The following ABAT variants were observed in gnomAD, a reference collection of about 807,000 sequenced individuals.
ABAT encodes the protein 4-aminobutyrate aminotransferase.
In ABAT, 45 loss-of-function variants were observed where a neutral mutation model predicts 64.6. That is an observed-to-expected ratio of 0.70 (90% CI 0.55 to 0.89). The LOEUF is 0.89. ABAT is among the 40% of genes least tolerant of loss of function. The pLI is 0.00. For synonymous variants in ABAT, 297 were observed against 250.5 expected (o/e 1.19, Z -1.75); for missense variants, 633 against 658.4 (o/e 0.96, Z 0.42).
At chr16:8,751,055 T>C (rs1242171999) in intron 5 of ABAT, among the ~76,000 whole-genome samples, 1 of 151,648 alleles carries the variant, frequency 6.6e-6, no homozygotes, top group Non-Finnish European at 1.5e-5. Flanking sequence ...TTCAAGTGAT[T>C]CTCATGCCTC....
chr16:8,763,899 T>A (rs2059866935), intron 6 of ABAT, among the ~76,000 whole-genome samples, 170 bp from the exon 7 acceptor site: 1 of 152,148 alleles, frequency 6.6e-6, no homozygotes, highest in African/African-American at 2.4e-5. Flanking sequence ...CCTAGTGGAT[T>A]TCTCTAAAGG....
Position 8,768,916 on chromosome 16 carries a change from C to T in ABAT, c.759C>T (p.Tyr253=), listed in dbSNP as rs2060022284. The T allele has an allele frequency of 1.2e-6, 2 of 1,614,160 alleles. No individual in the cohort carries two copies. Among genetic ancestry groups the T allele is most frequent in the Non-Finnish European group, 1.7e-6 (2 of 1,180,046 alleles). The change falls in exon 11 of 16, where the codon TAC becomes TAT. Residue 253 remains tyrosine (Y), a synonymous_variant. Transcript: ENST00000268251. ...TCGCACCGTTCCCACGGCTGAAATA[C>T]CCTCTGGAAGAGTTTGTGAAAGAGA... ...WPIAPFPRLK[Y]PLEEFVKENQ...
intron 1 of ABAT, among the ~76,000 whole-genome samples, chr16:8,726,830 G>C (rs1331960682): frequency 6.6e-6 from 1 of 152,160 alleles, no homozygotes; most frequent in Non-Finnish European, 1.5e-5. Flanking sequence ...GGTTCCCTTT[G>C]CTCCACATCC....
chr16:8,732,796 G>T (rs1442628822), intron 1 of ABAT, among the ~76,000 whole-genome samples: 18 of 149,748 alleles, frequency 1.2e-4, no homozygotes, highest in Admixed American at 6.6e-5. Flanking sequence ...CAGTAGGGGC[G>T]GCCGGGCAGA....
rs751650520 is a variant in ABAT at position 8,746,038 on chromosome 16, C to T, written c.108C>T (p.Asp36=). Residue 36 remains aspartate (D), a synonymous_variant, in exon 3 of 16, where the codon GAC becomes GAT. Coordinates refer to ENST00000268251, the MANE Select transcript of ABAT (RefSeq NM_020686.6). ...RHISQAAAKV[D]VEFDYDGPLM... ...TTAGTCAAGCTGCAGCCAAAGTCGA[C>T]GTTGAATTTGATTATGATGGGCCTC... 13 of 1,613,840 alleles carry T rather than the reference C, an allele frequency of 8.1e-6. No individual in the cohort carries two copies. Among genetic ancestry groups the T allele is most frequent in the African/African-American group, 4.0e-5 (3 of 74,880 alleles).
chr16:8,749,090 CTTT>C (rs763509254), intron 4 of ABAT, among the ~76,000 whole-genome samples: 2 of 140,256 alleles, frequency 1.4e-5, no homozygotes, highest in Non-Finnish European at 1.6e-5. Context: ...TTTTGTTCCT[CTTT>C]TTTTTTTTTT....
At chr16:8,772,668 C>A in intron 11 of ABAT, 112 bp from the exon 12 acceptor site, 1 of 1,438,642 alleles carries the variant, frequency 7.0e-7, no homozygotes, top group Non-Finnish European at 9.8e-7. Context: ...GAAATGCACA[C>A]AAACACATTT....
chr16:8,749,968 G>C (rs2142717903), intron 4 of ABAT, among the ~76,000 whole-genome samples: 1 of 152,274 alleles, frequency 6.6e-6, no homozygotes, highest in East Asian at 1.9e-4. Context: ...ACCTGCCTCG[G>C]CTTCCCAAAG....
intron 6 of ABAT, among the ~76,000 whole-genome samples, chr16:8,763,028 G>C (rs1036763293): frequency 6.6e-6 from 1 of 150,418 alleles, no homozygotes; most frequent in Non-Finnish European, 1.5e-5. Context: ...AGGATCACTT[G>C]AGTCTCGGAG....
intron 5 of ABAT, chr16:8,757,169 TTTTA>T (rs34346487): frequency 1.8e-5 from 8 of 452,190 alleles, no homozygotes; most frequent in African/African-American, 8.1e-5. Flanking sequence ...TTATCTCCCT[TTTTA>T]TTTATTTATT....
intron 1 of ABAT, among the ~76,000 whole-genome samples, chr16:8,680,520 G>T (rs2057308069): frequency 6.6e-6 from 1 of 151,586 alleles, no homozygotes. Context: ...CTGCCTCCTG[G>T]GTTCAGGCAA....
chr16:8,730,847 C>G (rs559192588), intron 1 of ABAT, among the ~76,000 whole-genome samples: 3 of 152,330 alleles, frequency 2.0e-5, no homozygotes, highest in South Asian at 4.1e-4. Context: ...AACGCTGGCT[C>G]CACCAGCAAC....
At chr16:8,771,363 G>C (rs1046540369) in intron 11 of ABAT, among the ~76,000 whole-genome samples, 2 of 151,592 alleles carry the variant, frequency 1.3e-5, no homozygotes, top group Non-Finnish European at 2.9e-5. Context: ...TGGAGACCAA[G>C]GTCAAAATCA....
intron 2 of ABAT, among the ~76,000 whole-genome samples, chr16:8,743,575 T>C (rs962432385): frequency 4.2e-5 from 6 of 143,774 alleles, no homozygotes; most frequent in Admixed American, 2.8e-4. Flanking sequence ...TTAGTTTTAA[T>C]ATATAATATA....
intron 1 of ABAT, among the ~76,000 whole-genome samples, chr16:8,677,199 G>A (rs1330826909): frequency 6.6e-6 from 1 of 152,238 alleles, no homozygotes; most frequent in Admixed American, 6.5e-5. Context: ...TTAGCACACA[G>A]CAAAATGAGC....
chr16:8,756,164 G>T (rs889828754), intron 5 of ABAT, among the ~76,000 whole-genome samples: 1 of 152,144 alleles, frequency 6.6e-6, no homozygotes, highest in African/African-American at 2.4e-5. Context: ...AGGTCACAAC[G>T]AGCCACGATT....
intron 1 of ABAT, among the ~76,000 whole-genome samples, chr16:8,693,585 C>T (rs1396328253): frequency 2.0e-5 from 3 of 152,164 alleles, no homozygotes; most frequent in Non-Finnish European, 4.4e-5. Flanking sequence ...CCTCATGCCT[C>T]GGCCTCCTGA....
chr16:8,719,123 C>G (rs912156426), intron 1 of ABAT, among the ~76,000 whole-genome samples: 20 of 152,280 alleles, frequency 1.3e-4, no homozygotes, highest in African/African-American at 4.8e-4. Flanking sequence ...CACGAGATCC[C>G]ACAGAACACA....
At chr16:8,728,062 C>A (rs1407008785) in intron 1 of ABAT, among the ~76,000 whole-genome samples, 1 of 137,572 alleles carries the variant, frequency 7.3e-6, no homozygotes, top group Non-Finnish European at 1.6e-5. Flanking sequence ...CAGAGTGAGA[C>A]CCTGTCAGAG....
Sources: gnomAD v4.1 joint callset for allele counts (sites outside exome capture counted in the v4.1 genomes callset) on GRCh38, gnomAD v4.1.1 for gene constraint, MANE v1.5 for transcripts, NCBI Gene and HGNC (gene_info 2026-07-23, HGNC 2026-07-21) for gene names.